The following ANO2 variants were observed in gnomAD, a reference collection of about 807,000 sequenced individuals.
ANO2 encodes the protein anoctamin-2.
A neutral mutation model predicts 124.2 loss-of-function variants in ANO2; 101 were observed. The observed-to-expected ratio is 0.81, with a 90% CI of 0.69 to 0.96. The LOEUF is 0.96. ANO2 is among the 40% of genes least tolerant of loss of function. The pLI is 0.00. For synonymous variants in ANO2, 486 were observed against 482.5 expected (o/e 1.01, Z -0.09); for missense variants, 1,293 against 1,274.5 (o/e 1.01, Z -0.22).
intron 10 of ANO2, among the ~76,000 whole-genome samples, chr12:5,786,542 A>G (rs1952545277): frequency 6.6e-6 from 1 of 151,898 alleles, no homozygotes; most frequent in South Asian, 2.1e-4. Flanking sequence ...GGCTTTTAAG[A>G]CCCCTCCCAG....
intron 22 of ANO2, 112 bp from the exon 23 acceptor site, chr12:5,576,127 C>T (rs1226838426): frequency 3.6e-6 from 4 of 1,098,232 alleles, no homozygotes; most frequent in Non-Finnish European, 5.0e-6. Flanking sequence ...GAAGCTCATG[C>T]AGCATGATCA....
At chr12:5,692,504 C>T (rs1948986731) in intron 14 of ANO2, among the ~76,000 whole-genome samples, 1 of 152,120 alleles carries the variant, frequency 6.6e-6, no homozygotes, top group African/African-American at 2.4e-5. Context: ...AAATTCTTGG[C>T]TTCACCTAAG....
chr12:5,586,364 T>A (rs532707927), intron 20 of ANO2, among the ~76,000 whole-genome samples: 7 of 152,206 alleles, frequency 4.6e-5, no homozygotes, highest in Non-Finnish European at 1.0e-4. Flanking sequence ...TTGGAGAAGA[T>A]GGCAGGAGCC....
intron 10 of ANO2, among the ~76,000 whole-genome samples, chr12:5,785,070 C>A (rs7976212): frequency 0.071 from 10,877 of 152,238 alleles, 1,241 homozygotes; most frequent in African/African-American, 0.24. Context: ...CAGCTCCACC[C>A]CTACCCTGGA....
intron 3 of ANO2, among the ~76,000 whole-genome samples, chr12:5,910,570 C>G (rs1940987434): frequency 6.6e-6 from 1 of 152,156 alleles, no homozygotes; most frequent in African/African-American, 2.4e-5. Context: ...TACTAAATGT[C>G]AGTTAAATGT....
intron 14 of ANO2, among the ~76,000 whole-genome samples, chr12:5,679,643 T>A (rs1948408093): frequency 6.6e-6 from 1 of 152,094 alleles, no homozygotes; most frequent in African/African-American, 2.4e-5. Flanking sequence ...AAACAACAGA[T>A]GTTGGTGAGG....
At chr12:5,914,415 G>T (rs1941257810) in intron 3 of ANO2, among the ~76,000 whole-genome samples, 1 of 152,150 alleles carries the variant, frequency 6.6e-6, no homozygotes, top group South Asian at 2.1e-4. Context: ...GGCATAGGAG[G>T]AGGGAGTCTC....
intron 3 of ANO2, among the ~76,000 whole-genome samples, chr12:5,914,145 A>T (rs1591785124): frequency 6.6e-6 from 1 of 152,172 alleles, no homozygotes; most frequent in African/African-American, 2.4e-5. Flanking sequence ...GGTTGCAGTG[A>T]GCCAAGATTG....
At chr12:5,565,684 T>C (rs1388104030) in intron 23 of ANO2, 21 bp from the exon 24 acceptor site, 1 of 1,560,020 alleles carries the variant, frequency 6.4e-7, no homozygotes. Flanking sequence ...AGAAATGTGG[T>C]GTTAAGATCA....
chr12:5,776,487 C>T (rs1952236674), intron 10 of ANO2, among the ~76,000 whole-genome samples: 1 of 152,182 alleles, frequency 6.6e-6, no homozygotes, highest in African/African-American at 2.4e-5. Flanking sequence ...TTGACAAATG[C>T]CTATTGAATG....
chr12:5,800,403 GC>G (rs1953003735), intron 9 of ANO2, among the ~76,000 whole-genome samples: 1 of 152,210 alleles, frequency 6.6e-6, no homozygotes, highest in South Asian at 2.1e-4. Context: ...GCAGTAGAGG[GC>G]GAAACAATCT....
chr12:5,597,050 T>C (rs1306642884), intron 20 of ANO2, among the ~76,000 whole-genome samples: 2 of 152,174 alleles, frequency 1.3e-5, no homozygotes, highest in Non-Finnish European at 2.9e-5. Flanking sequence ...CCAGGAAGTA[T>C]GGTTCAAGGG....
intron 14 of ANO2, among the ~76,000 whole-genome samples, chr12:5,673,378 C>T (rs539289973): frequency 1.3e-5 from 2 of 152,314 alleles, no homozygotes; most frequent in South Asian, 4.2e-4. Flanking sequence ...CAAGGGAGTA[C>T]TTAAGAAGCA....
chr12:5,844,839 GTGTTTGTTTGTT>G (rs6144597), intron 4 of ANO2, among the ~76,000 whole-genome samples: 6 of 150,866 alleles, frequency 4.0e-5, no homozygotes, highest in African/African-American at 7.3e-5. Flanking sequence ...CAGTTTTTGT[GTGTTTGTTTGTT>G]TGTTTGTTTG....
chr12:5,675,376 G>T (rs146133180), intron 14 of ANO2, among the ~76,000 whole-genome samples: 59 of 152,210 alleles, frequency 3.9e-4, no homozygotes, highest in African/African-American at 1.1e-3. Flanking sequence ...CAAACTCTCT[G>T]GGGGCAGAGA....
chr12:5,789,081 C>T lies in ANO2; in HGVS notation c.1055+10426G>A, dbSNP rs921490174. Among the ~76,000 whole-genome samples the T allele has an allele frequency of 3.9e-5, 6 of 152,244 alleles. No homozygotes were observed. The South Asian group carries it at 6.2e-4, about 16-fold the overall frequency. On this transcript the variant is annotated intron_variant, in intron 10 of 24. Transcript: ENST00000682330. ...TTTTTCTAAAAGGGATGTGATCTCA[C>T]GGGACTGGACAAAGAAGAGATCACC...
At chr12:5,603,360 G>A (rs184368515) in intron 19 of ANO2, among the ~76,000 whole-genome samples, 1 of 152,224 alleles carries the variant, frequency 6.6e-6, no homozygotes, top group African/African-American at 2.4e-5. Flanking sequence ...GAGAAGTTTA[G>A]TGATTATGAG....
intron 3 of ANO2, among the ~76,000 whole-genome samples, chr12:5,873,353 T>C (rs550748811): frequency 6.6e-6 from 1 of 152,226 alleles, no homozygotes; most frequent in East Asian, 1.9e-4. Flanking sequence ...GCGAAGCCAC[T>C]GACTCAGGAC....
intron 14 of ANO2, among the ~76,000 whole-genome samples, chr12:5,714,724 T>C (rs1949952099): frequency 6.6e-6 from 1 of 152,194 alleles, no homozygotes; most frequent in South Asian, 2.1e-4. Flanking sequence ...TTAGACACGA[T>C]TAAGAATTTA....
Sources: allele counts gnomAD v4.1 joint callset (sites outside exome capture counted in the v4.1 genomes callset), GRCh38; gene constraint gnomAD v4.1.1; transcripts MANE v1.5; gene names NCBI Gene and HGNC (gene_info 2026-07-23, HGNC 2026-07-21).